The following SNX24 variants were observed in gnomAD, a reference collection of about 807,000 sequenced individuals.
The protein encoded by SNX24 is sorting nexin 24, also known as sorting nexin-24.
SNX24 carries 22 observed loss-of-function variants against 28.7 expected under a neutral mutation model. That is an observed-to-expected ratio of 0.77 (90% CI 0.55 to 1.10). The LOEUF (loss-of-function observed/expected upper bound fraction) is 1.10. Ranked by LOEUF, SNX24 falls within the 50% of genes least tolerant of loss-of-function variation. The probability of loss-of-function intolerance (pLI) is 0.00; values close to 1 mark genes in which losing one functional copy is unlikely to be tolerated. For synonymous variants in SNX24, 69 were observed against 71.5 expected, an observed-to-expected ratio of 0.96 and a Z score of 0.18; for missense variants, 221 against 201.1, an observed-to-expected ratio of 1.10 and a Z score of -0.60.
chr5:123,001,823 G>A (rs776177130), intron 5 of SNX24, 117 bp from the exon 6 acceptor site: 42 of 820,006 alleles, frequency 5.1e-5, no homozygotes, highest in Non-Finnish European at 7.2e-5. Context: ...CACACTGTTA[G>A]AACATAAACC....
chr5:122,895,592 G>T (rs778762880), intron 1 of SNX24, among the ~76,000 whole-genome samples: 4 of 152,056 alleles, frequency 2.6e-5, no homozygotes, highest in Non-Finnish European at 4.4e-5. Flanking sequence ...GGGGCTGGAG[G>T]GTGATGAATT....
At chr5:122,982,685 G>T (rs1761442266) in intron 3 of SNX24, among the ~76,000 whole-genome samples, 1 of 152,172 alleles carries the variant, frequency 6.6e-6, no homozygotes, top group South Asian at 2.1e-4. Flanking sequence ...ATGTGTGTTT[G>T]AAAGAAATAT....
intron 3 of SNX24, among the ~76,000 whole-genome samples, chr5:122,998,580 G>A (rs1248632775): frequency 6.6e-6 from 1 of 152,204 alleles, no homozygotes; most frequent in African/African-American, 2.4e-5. Context: ...CCCAGTGGAA[G>A]TGGCTCTTTA....
At chr5:122,922,627 TAACTTC>T (rs1758486924) in intron 1 of SNX24, among the ~76,000 whole-genome samples, 1 of 152,166 alleles carries the variant, frequency 6.6e-6, no homozygotes, top group African/African-American at 2.4e-5. Flanking sequence ...TTCCGTGGTA[TAACTTC>T]ATATTCTGCA....
intron 1 of SNX24, among the ~76,000 whole-genome samples, chr5:122,914,102 AAG>A (rs1428197763): frequency 1.3e-5 from 2 of 152,110 alleles, no homozygotes; most frequent in Non-Finnish European, 2.9e-5. Flanking sequence ...AGACCATGGA[AAG>A]AGAGGAAGAG....
chr5:122,921,817 G>A (rs1395390461), intron 1 of SNX24, among the ~76,000 whole-genome samples: 1 of 151,940 alleles, frequency 6.6e-6, no homozygotes, highest in East Asian at 1.9e-4. Context: ...AAAAAAGCTT[G>A]CAAAATGATT....
intron 3 of SNX24, among the ~76,000 whole-genome samples, chr5:122,957,051 G>C (rs965140921): frequency 6.6e-6 from 1 of 151,422 alleles, no homozygotes; most frequent in Admixed American, 6.6e-5. Flanking sequence ...TTCTTTTGTT[G>C]CCTTCATGCC....
chr5:122,870,941 G>A (rs1170769254), intron 1 of SNX24, among the ~76,000 whole-genome samples: 1 of 152,172 alleles, frequency 6.6e-6, no homozygotes, highest in Non-Finnish European at 1.5e-5. Context: ...ATCCCTTGCT[G>A]CACACTAGCA....
intron 1 of SNX24, among the ~76,000 whole-genome samples, chr5:122,850,910 C>G (rs1179750904): frequency 6.6e-6 from 1 of 151,520 alleles, no homozygotes. Context: ...GAGAAAGAAA[C>G]CAAGGAGTGT....
At chr5:122,998,905 G>T (rs1163927992) in intron 3 of SNX24, among the ~76,000 whole-genome samples, 1 of 152,160 alleles carries the variant, frequency 6.6e-6, no homozygotes, top group African/African-American at 2.4e-5. Context: ...TTTCACCACT[G>T]ATTCTCATAG....
chr5:122,938,535 A>C lies in SNX24; in HGVS notation c.144+1718A>C, dbSNP rs146001935. On this transcript the variant is annotated intron_variant, in intron 2 of 6. Coordinates refer to ENST00000261369, the MANE Select transcript of SNX24 (RefSeq NM_014035.4). Reference sequence around the variant, plus strand: ...AAATAGCTTTGTGGAGCAGAGTTTTATTTGGGATACACTGTCTAATTTTAT... The same window carrying C: ...AAATAGCTTTGTGGAGCAGAGTTTTCTTTGGGATACACTGTCTAATTTTAT... Among the ~76,000 whole-genome samples the C allele has an allele frequency of 2.7e-3, 404 of 152,296 alleles. 1 individual carries two copies. Among genetic ancestry groups the C allele is most frequent in the African/African-American group, 9.4e-3 (392 of 41,560 alleles).
At chr5:122,986,138 C>T (rs385547) in intron 3 of SNX24, among the ~76,000 whole-genome samples, 33,865 of 152,058 alleles carry the variant, frequency 0.22, 4,816 homozygotes, top group Non-Finnish European at 0.33. Flanking sequence ...GGAAAGTGGA[C>T]AGTGATGGGT....
downstream of SNX24, among the ~76,000 whole-genome samples, chr5:123,010,327 G>T (rs1212848491): frequency 5.3e-5 from 8 of 150,370 alleles, no homozygotes; most frequent in African/African-American, 2.0e-4. Flanking sequence ...GTCTTGCTCT[G>T]TTGCCCAGGC....
chr5:122,946,204 T>C (rs369975506), intron 3 of SNX24, 45 bp downstream of exon 3: 44 of 1,111,234 alleles, frequency 4.0e-5, no homozygotes, highest in Non-Finnish European at 5.4e-5. Context: ...TAAATAATCA[T>C]ATGTCTTACC....
chr5:122,971,012 G>A (rs76845114), intron 3 of SNX24, among the ~76,000 whole-genome samples: 4,588 of 152,242 alleles, frequency 0.03, 130 homozygotes, highest in East Asian at 0.04. Flanking sequence ...ACAATCACAA[G>A]GTGAAGTCTC....
Position 122,900,641 on chromosome 5 carries a change from C to CGT in SNX24, c.61-36093_61-36092insGT, listed in dbSNP as rs1323344603. Among the ~76,000 whole-genome samples, 4 of 152,122 alleles carry CGT rather than the reference C, an allele frequency of 2.6e-5. No homozygotes were observed. In the South Asian group the frequency reaches 8.3e-4, roughly 32 times the overall value. On this transcript the variant is annotated intron_variant, in intron 1 of 6. Coordinates refer to ENST00000261369, the MANE Select transcript of SNX24 (RefSeq NM_014035.4). ...AAAATCAGCCAGGTATGGTGGCACA[C>CGT]ACCTATAGTCCCAGCTGCTTGGGAG...
chr5:123,003,309 T>A (rs1248607448), intron 6 of SNX24, among the ~76,000 whole-genome samples: 1 of 152,190 alleles, frequency 6.6e-6, no homozygotes, highest in Non-Finnish European at 1.5e-5. Flanking sequence ...ATATTCTTTT[T>A]CCTATAAGAT....
intron 3 of SNX24, among the ~76,000 whole-genome samples, chr5:122,967,366 T>G (rs1014122952): frequency 1.3e-5 from 2 of 152,126 alleles, no homozygotes; most frequent in Admixed American, 6.5e-5. Flanking sequence ...GACAACGTGG[T>G]AGCAACCACA....
chr5:122,895,047 A>T (rs1044993615), intron 1 of SNX24, among the ~76,000 whole-genome samples: 1 of 151,796 alleles, frequency 6.6e-6, no homozygotes, highest in African/African-American at 2.4e-5. Context: ...TTCTAAAGGT[A>T]AAATATAGGT....
Sources: allele counts gnomAD v4.1 joint callset (sites outside exome capture counted in the v4.1 genomes callset), GRCh38; gene constraint gnomAD v4.1.1; transcripts MANE v1.5; gene names NCBI Gene and HGNC (gene_info 2026-07-23, HGNC 2026-07-21).